CCDC141: variants seen among roughly 807,000 people sequenced by gnomAD.
CCDC141 encodes coiled-coil domain containing 141, also known as coiled-coil domain-containing protein 141.
CCDC141 carries 168 observed loss-of-function variants against 181.0 expected under a neutral mutation model. The observed-to-expected ratio is 0.93, with a 90% CI of 0.82 to 1.05. CCDC141 has a LOEUF of 1.05. Among genes scored for constraint, CCDC141 ranks in the 50% least tolerant of loss-of-function variants. The pLI, the probability that CCDC141 is intolerant of heterozygous loss-of-function variation, is 0.00. For missense variants in CCDC141, 1,902 were observed against 1,788.5 expected, an observed-to-expected ratio of 1.06 and a Z score of -1.14; for synonymous variants, 666 against 642.3, an observed-to-expected ratio of 1.04 and a Z score of -0.56.
intron 4 of CCDC141, among the ~76,000 whole-genome samples, chr2:178,962,659 C>CTTTT: frequency 6.7e-6 from 1 of 149,020 alleles, no homozygotes; most frequent in African/African-American, 2.5e-5. Flanking sequence ...TTCTTTCTTT[C>CTTTT]CTCTGTCTCT....
chr2:179,015,485 A>ATC (rs142380302), intron 2 of CCDC141, among the ~76,000 whole-genome samples: 42,100 of 84,468 alleles, frequency 0.5, 13,053 homozygotes, highest in East Asian at 0.66. Flanking sequence ...TGCCATATAT[A>ATC]TCATATATGT....
intron 2 of CCDC141, among the ~76,000 whole-genome samples, chr2:178,984,705 A>T (rs1208045704): frequency 8.0e-5 from 12 of 150,644 alleles, no homozygotes; most frequent in Non-Finnish European, 1.8e-4. Flanking sequence ...AACAAAGATC[A>T]AAAGAGACAA....
At chr2:178,983,592 A>G (rs937339139) in intron 2 of CCDC141, among the ~76,000 whole-genome samples, 6 of 144,558 alleles carry the variant, frequency 4.2e-5, no homozygotes, top group Non-Finnish European at 7.6e-5. Context: ...ATGTATAACT[A>G]GAATAACCAA....
intron 8 of CCDC141, among the ~76,000 whole-genome samples, chr2:178,896,400 CT>C (rs1459881988): frequency 6.6e-6 from 1 of 152,100 alleles, no homozygotes; most frequent in East Asian, 1.9e-4. Context: ...GGGACAGGTT[CT>C]GGGGATTTGG....
chr2:178,889,523 C>A (rs149188051), intron 8 of CCDC141, among the ~76,000 whole-genome samples: 234 of 152,206 alleles, frequency 1.5e-3, no homozygotes, highest in African/African-American at 5.4e-3. Context: ...AATTTAATTA[C>A]CCAGAGTTTA....
intron 22 of CCDC141, among the ~76,000 whole-genome samples, chr2:178,845,062 T>G (rs1352176048): frequency 6.6e-6 from 1 of 152,210 alleles, no homozygotes; most frequent in Non-Finnish European, 1.5e-5. Flanking sequence ...AGTGCATAAG[T>G]GTTACAATAA....
At chr2:178,988,014 G>T (rs865879971) in intron 2 of CCDC141, among the ~76,000 whole-genome samples, 67 of 151,644 alleles carry the variant, frequency 4.4e-4, no homozygotes, top group Admixed American at 2.0e-3. Flanking sequence ...AAAGACACAT[G>T]CACACGTATG....
At chr2:178,902,313 A>C (rs1460572058) in intron 8 of CCDC141, among the ~76,000 whole-genome samples, 1 of 152,238 alleles carries the variant, frequency 6.6e-6, no homozygotes, top group Non-Finnish European at 1.5e-5. Flanking sequence ...TCCTAAGCCA[A>C]AAGAACAAAG....
In CCDC141 at chr2:178,866,013, T is replaced by C. The variant is rs1439419880; in HGVS notation, c.2575-97A>G. On this transcript the variant is annotated intron_variant, in intron 16 of 23. Transcript: ENST00000443758. Reference sequence around the variant, plus strand: ...AATTATGAAACTCATAAATGACACTTTTTAAAAAAAGAAATAGGTTCCTGA... The same window carrying C: ...AATTATGAAACTCATAAATGACACTCTTTAAAAAAAGAAATAGGTTCCTGA... The C allele has an allele frequency of 4.0e-6, 4 of 1,007,050 alleles. No homozygotes were observed. In the African/African-American group the frequency reaches 6.6e-5, roughly 17 times the overall value. The allele number at this position is 1,007,050 out of a possible 1,614,324, so 62.4% of individuals were successfully genotyped here.
intron 6 of CCDC141, among the ~76,000 whole-genome samples, chr2:178,939,403 A>T (rs1689416676): frequency 6.6e-6 from 1 of 152,112 alleles, no homozygotes; most frequent in African/African-American, 2.4e-5. Context: ...TACATACAAT[A>T]AGGTTGGATG....
chr2:178,865,803 A>G lies in CCDC141; in HGVS notation c.2688T>C (p.Ser896=). The change falls in exon 17 of 24, where the codon AGT becomes AGC. Residue 896 remains serine (S), a synonymous_variant. Coordinates refer to ENST00000443758, the MANE Select transcript of CCDC141 (RefSeq NM_173648.4). ...CGTCTCTCATGGCGCAGTACTCCAC[A>G]CTACGGGACAGGGTCCGTCCATACT... is the stretch of plus-strand genomic sequence containing the variant. ...AEEYGRTLSR[S]VEYCAMRDEI... The G allele has an allele frequency of 1.3e-6, 2 of 1,596,324 alleles. No homozygotes were observed. The highest frequency in any genetic ancestry group is 1.7e-6 in the Non-Finnish European group (2 of 1,171,678).
At chr2:179,038,837 A>G (rs1219151348) in intron 2 of CCDC141, among the ~76,000 whole-genome samples, 2 of 152,168 alleles carry the variant, frequency 1.3e-5, no homozygotes, top group Non-Finnish European at 2.9e-5. Context: ...AACTGCAAAT[A>G]CAGTTGCCAG....
intron 12 of CCDC141, chr2:178,875,282 T>C (rs6747791): frequency 0.53 from 81,037 of 152,092 alleles, 23,367 homozygotes; most frequent in East Asian, 0.92. Context: ...AGCTCCAGAT[T>C]GGCCGGGCGC....
rs1684349621 is a variant in CCDC141 at position 178,833,614 on chromosome 2, G to A, written c.*559C>T. 6.5e-6 allele frequency: 1 copy of A among 153,196 alleles called. No individual in the cohort carries two copies. The highest frequency in any genetic ancestry group is 2.4e-5 in the African/African-American group (1 of 41,454). 9.5% of individuals were successfully genotyped at this position (153,196 alleles called of 1,614,324 possible). Reference sequence around the variant, plus strand: ...AACCCGTGAGAGCAACATGAGGAATGATTATTTACAATGACATCATCAGAC... The same window carrying A: ...AACCCGTGAGAGCAACATGAGGAATAATTATTTACAATGACATCATCAGAC... On this transcript the variant is annotated 3_prime_UTR_variant, in exon 24 of 24. Transcript: ENST00000443758.
intron 2 of CCDC141, among the ~76,000 whole-genome samples, chr2:179,046,814 G>A (rs570602756): frequency 6.6e-6 from 1 of 152,204 alleles, no homozygotes; most frequent in South Asian, 2.1e-4. Context: ...AGTATGTCTG[G>A]TTTTACCAGA....
chr2:178,842,917 C>T (rs1292748417), intron 22 of CCDC141, among the ~76,000 whole-genome samples: 3 of 152,090 alleles, frequency 2.0e-5, no homozygotes, highest in South Asian at 4.1e-4. Context: ...TCTTTCAAGG[C>T]AAGTGTTTCA....
chr2:179,047,327 T>G lies in CCDC141; in HGVS notation c.182A>C (p.Lys61Thr). ...LEIGSSQDET[K>T]KLLHDHELLL... The stretch of plus-strand genomic sequence containing the variant: ...AAGTTCATGATCATGAAGAAGTTTT[T>G]TGGTTTCATCTTGACTGCTGCCAAT... Residue 61 changes from lysine (K) to threonine (T), a missense_variant, in exon 2 of 24, where the codon AAA (lysine) becomes ACA (threonine). Transcript: ENST00000443758. 1 of 1,544,296 alleles carries G rather than the reference T, an allele frequency of 6.5e-7. No individual in the cohort carries two copies. The highest frequency in any genetic ancestry group is 8.7e-7 in the Non-Finnish European group (1 of 1,145,408).
chr2:178,917,435 G>T (rs1688501644), intron 7 of CCDC141, among the ~76,000 whole-genome samples: 1 of 151,988 alleles, frequency 6.6e-6, no homozygotes. Context: ...TTTTCAAAAA[G>T]TTTCTTATTA....
chr2:178,884,861 T>C (rs1686804583), intron 11 of CCDC141, 40 bp downstream of exon 11: 2 of 1,496,500 alleles, frequency 1.3e-6, no homozygotes, highest in South Asian at 2.5e-5. Flanking sequence ...ACATGGGCAG[T>C]GGCCACCTTG....
Sources: allele counts gnomAD v4.1 joint callset (sites outside exome capture counted in the v4.1 genomes callset), GRCh38; gene constraint gnomAD v4.1.1; transcripts MANE v1.5; gene names NCBI Gene and HGNC (gene_info 2026-07-23, HGNC 2026-07-21).